SLIT2: variants seen among roughly 807,000 people sequenced by gnomAD.
SLIT2 encodes the protein slit guidance ligand 2, also known as slit homolog 2 protein.
In SLIT2, 41 loss-of-function variants were observed where a neutral mutation model predicts 185.7. The observed-to-expected ratio is 0.22, with a 90% confidence interval of 0.17 to 0.29. The LOEUF is 0.29. Among genes scored for constraint, SLIT2 ranks in the 10% least tolerant of loss-of-function variants. The probability of loss-of-function intolerance (pLI) is 1.00; values close to 1 mark genes in which losing one functional copy is unlikely to be tolerated. For missense variants in SLIT2, 1,571 were observed against 1,909.0 expected, an observed-to-expected ratio of 0.82 and a Z score of 3.30; for synonymous variants, 693 against 680.2, an observed-to-expected ratio of 1.02 and a Z score of -0.29.
intron 4 of SLIT2, among the ~76,000 whole-genome samples, chr4:20,386,297 A>G (rs758391403): frequency 5.3e-5 from 8 of 152,214 alleles, no homozygotes; most frequent in South Asian, 2.1e-4. Context: ...TCCCACAGGT[A>G]TTACTCTTCA....
At chr4:20,504,862 A>T (rs1370149482) in intron 9 of SLIT2, among the ~76,000 whole-genome samples, 1 of 152,124 alleles carries the variant, frequency 6.6e-6, no homozygotes, top group Non-Finnish European at 1.5e-5. Context: ...CCACATTCAC[A>T]TAACATTTAT....
chr4:20,492,014 A>G (rs1049465509), intron 9 of SLIT2, 115 bp downstream of exon 9: 2 of 935,818 alleles, frequency 2.1e-6, no homozygotes, highest in African/African-American at 1.6e-5. Context: ...GCTTAGACAA[A>G]TGTTCTCTTC....
intron 29 of SLIT2, among the ~76,000 whole-genome samples, chr4:20,570,210 A>G (rs1228124445): frequency 1.3e-5 from 2 of 152,078 alleles, no homozygotes; most frequent in East Asian, 3.9e-4. Context: ...TTAAGTTTCC[A>G]GTAGAAATTT....
intron 30 of SLIT2, among the ~76,000 whole-genome samples, chr4:20,592,686 T>C (rs1727604868): frequency 6.6e-6 from 1 of 152,168 alleles, no homozygotes; most frequent in Non-Finnish European, 1.5e-5. Context: ...AAGCATTTCT[T>C]CTTTTTTTTA....
In SLIT2 at chr4:20,257,953, A is replaced by C. The variant is rs376806621; in HGVS notation, c.323+14A>C. 1 of 1,262,108 alleles carries C rather than the reference A, an allele frequency of 7.9e-7. No homozygotes were observed. Among genetic ancestry groups the C allele is most frequent in the East Asian group, 2.3e-5 (1 of 42,794 alleles). 78.2% of individuals were successfully genotyped at this position (1,262,108 alleles called of 1,614,324 possible). A position where few individuals can be genotyped will look rare whatever the true frequency, so the allele number is the denominator to read the frequency against. ...ACTAGAGAGACTGTAAGTATTTTCA[A>C]TTCCAAAGTTATGACAACATAACTG... On this transcript the variant is annotated intron_variant, in intron 3 of 36. Transcript: ENST00000504154.
chr4:20,556,026 G>C (rs1724223140), intron 26 of SLIT2, among the ~76,000 whole-genome samples: 1 of 151,916 alleles, frequency 6.6e-6, no homozygotes. Flanking sequence ...GTTAATATTA[G>C]TGCATCACTG....
chr4:20,366,586 C>T (rs1723134152), intron 4 of SLIT2, among the ~76,000 whole-genome samples: 1 of 151,836 alleles, frequency 6.6e-6, no homozygotes, highest in South Asian at 2.1e-4. Context: ...AGTACTTATC[C>T]CAGATCTCCT....
intron 11 of SLIT2, among the ~76,000 whole-genome samples, chr4:20,512,403 T>C (rs1446879934): frequency 3.3e-5 from 5 of 152,180 alleles, no homozygotes; most frequent in Admixed American, 6.5e-5. Flanking sequence ...TACAGTTTTC[T>C]TTAAAAAGGA....
chr4:20,320,088 G>A (rs533206730), intron 4 of SLIT2, among the ~76,000 whole-genome samples: 45 of 152,262 alleles, frequency 3.0e-4, no homozygotes, highest in Non-Finnish European at 4.7e-4. Context: ...CTGGTGTGTA[G>A]TCACACACAA....
intron 11 of SLIT2, among the ~76,000 whole-genome samples, chr4:20,518,336 T>G (rs1720450534): frequency 1.4e-5 from 2 of 139,356 alleles, no homozygotes; most frequent in South Asian, 4.5e-4. Context: ...CATTGCAAGC[T>G]CCGCCTCCCT....
chr4:20,585,460 A>T (rs112331847), intron 29 of SLIT2, among the ~76,000 whole-genome samples: 2,906 of 152,322 alleles, frequency 0.019, 104 homozygotes, highest in African/African-American at 0.066. Flanking sequence ...ATGGCTGAAA[A>T]TAAATAAATA....
intron 4 of SLIT2, among the ~76,000 whole-genome samples, chr4:20,399,828 A>G (rs1726205740): frequency 6.6e-6 from 1 of 151,778 alleles, no homozygotes; most frequent in Middle Eastern, 3.2e-3. Context: ...AGACCAAAGT[A>G]TGAAGGTTTT....
chr4:20,552,579 A>G (rs1382578694), intron 25 of SLIT2: 1 of 152,124 alleles, frequency 6.6e-6, no homozygotes, highest in African/African-American at 2.4e-5. Context: ...AAATGACTAA[A>G]AAACATCATT....
rs574213707 is a variant in SLIT2, at chr4:20,559,480, T to C, written c.2725+5512T>C. ...GCATTTGTCAAGCTATTTTGAAGTT[T>C]CATTGTCCTATTAATGAAGACTCTG... On this transcript the variant is annotated intron_variant, in intron 26 of 36. Transcript: ENST00000504154. Among the ~76,000 whole-genome samples the C allele has an allele frequency of 2.0e-5, 3 of 152,084 alleles. No individual in the cohort carries two copies. The South Asian group carries it at 6.2e-4, about 32-fold the overall frequency.
chr4:20,466,872 A>C (rs897667323), intron 4 of SLIT2, among the ~76,000 whole-genome samples: 1 of 152,114 alleles, frequency 6.6e-6, no homozygotes, highest in African/African-American at 2.4e-5. Flanking sequence ...TTTCAACTCT[A>C]CTATGTGGTA....
At chr4:20,546,157 C>A in intron 22 of SLIT2, 58 bp downstream of exon 22, 2 of 914,558 alleles carry the variant, frequency 2.2e-6, no homozygotes, top group South Asian at 1.6e-5. Context: ...ATGGGGATGG[C>A]AAGGGACAGA....
At chr4:20,351,352 A>G (rs1248450635) in intron 4 of SLIT2, among the ~76,000 whole-genome samples, 1 of 152,194 alleles carries the variant, frequency 6.6e-6, no homozygotes. Context: ...CCCGGCCTAT[A>G]GTCTGTTTCA....
chr4:20,593,336 A>C (rs1355348161), intron 30 of SLIT2, among the ~76,000 whole-genome samples: 1 of 152,192 alleles, frequency 6.6e-6, no homozygotes, highest in Non-Finnish European at 1.5e-5. Flanking sequence ...TAATTTAGTC[A>C]GTATTATATA....
chr4:20,590,148 G>T (rs184780622), intron 30 of SLIT2, among the ~76,000 whole-genome samples: 3 of 151,920 alleles, frequency 2.0e-5, no homozygotes, highest in African/African-American at 7.2e-5. Flanking sequence ...ATCATGATCC[G>T]CCCACCTCGG....
Sources: allele counts gnomAD v4.1 joint callset (sites outside exome capture counted in the v4.1 genomes callset), GRCh38; gene constraint gnomAD v4.1.1; transcripts MANE v1.5; gene names NCBI Gene and HGNC (gene_info 2026-07-23, HGNC 2026-07-21).